Variants in METTL25 observed in about 807,000 individuals in gnomAD.
The protein encoded by METTL25 is probable methyltransferase-like protein 25.
METTL25 carries 64 observed loss-of-function variants against 71.6 expected under a neutral mutation model. That is an observed-to-expected ratio of 0.89 (90% CI 0.73 to 1.10). The LOEUF (loss-of-function observed/expected upper bound fraction) is 1.10, where lower values mean the gene tolerates loss of function less well. METTL25 is among the 50% of genes least tolerant of loss of function. METTL25 has a pLI of 0.00. For missense variants in METTL25, 807 were observed against 707.0 expected (o/e 1.14, Z -1.60); for synonymous variants, 287 against 250.3 (o/e 1.15, Z -1.38).
Position 82,399,377 on chromosome 12 carries a change from A to T in METTL25, c.1114A>T (p.Ile372Phe), listed in dbSNP as rs753996337. 35 of 1,572,100 alleles carry T rather than the reference A, an allele frequency of 2.2e-5. No homozygotes were observed. Among genetic ancestry groups the T allele is most frequent in the Non-Finnish European group, 2.4e-5 (28 of 1,164,464 alleles). Reference protein sequence around the residue: ...FITADSELHDIIKDLEDCLMV... With the variant: ...FITADSELHDFIKDLEDCLMV... Reference sequence around the variant, plus strand: ...CACTGCTGATTCAGAACTCCATGACATTATTAAAGATTTGGAGGTGACTTT... The same window carrying T: ...CACTGCTGATTCAGAACTCCATGACTTTATTAAAGATTTGGAGGTGACTTT... The change falls in exon 4 of 12, where the codon ATT becomes TTT. Residue 372 changes from isoleucine to phenylalanine, a missense_variant. Ile to Phe is a conservative substitution (Grantham distance 21, BLOSUM62 0). Coordinates refer to ENST00000248306, the MANE Select transcript of METTL25 (RefSeq NM_032230.3).
At chr12:82,396,506 TAA>T (rs367778642) in intron 3 of METTL25, among the ~76,000 whole-genome samples, 184 of 152,174 alleles carry the variant, frequency 1.2e-3, no homozygotes, top group African/African-American at 4.4e-3. Context: ...CTTTAGAAAT[TAA>T]AGATATGTAT....
rs764923923 is a variant in METTL25, at chr12:82,399,118, A to G, written c.855A>G (p.Val285=). The change falls in exon 4 of 12, where the codon GTA becomes GTG. Residue 285 remains valine, a synonymous_variant. Coordinates refer to ENST00000248306, the MANE Select transcript of METTL25 (RefSeq NM_032230.3). The part of the protein sequence containing the change: ...SAILPDFSGS[V]ISNIRNQMET... ...TTTTGCCTGATTTTTCTGGCTCTGT[A>G]ATTTCTAATATCAGAAACCAAATGG... is the stretch of plus-strand genomic sequence containing the variant. The G allele has an allele frequency of 6.2e-7, 1 of 1,613,798 alleles. No homozygotes were observed. Among genetic ancestry groups the G allele is most frequent in the South Asian group, 1.1e-5 (1 of 91,066 alleles).
chr12:82,400,031 A>G (rs1046838842), intron 4 of METTL25, among the ~76,000 whole-genome samples: 5 of 151,984 alleles, frequency 3.3e-5, no homozygotes, highest in Non-Finnish European at 5.9e-5. Flanking sequence ...CCCCAAAGAA[A>G]TGTATAAATA....
chr12:82,373,232 C>T (rs961199832), intron 1 of METTL25, among the ~76,000 whole-genome samples: 3 of 152,120 alleles, frequency 2.0e-5, no homozygotes, highest in African/African-American at 4.8e-5. Context: ...GAAGGGATCT[C>T]GAGGGTTGGA....
chr12:82,444,828 C>T (rs1204229411), intron 8 of METTL25, among the ~76,000 whole-genome samples: 1 of 151,974 alleles, frequency 6.6e-6, no homozygotes, highest in Admixed American at 6.6e-5. Flanking sequence ...CTACAGGAAG[C>T]TCACTGCACC....
intron 1 of METTL25, among the ~76,000 whole-genome samples, chr12:82,385,867 C>G (rs1235763426): frequency 3.3e-5 from 5 of 152,036 alleles, no homozygotes; most frequent in African/African-American, 1.2e-4. Context: ...GATTACAGAG[C>G]TGAGACAAAA....
intron 1 of METTL25, among the ~76,000 whole-genome samples, chr12:82,363,312 A>C (rs1023872871): frequency 6.6e-6 from 1 of 152,224 alleles, no homozygotes; most frequent in African/African-American, 2.4e-5. Flanking sequence ...CCTAAAGTAC[A>C]TACAACTTGG....
intron 5 of METTL25, among the ~76,000 whole-genome samples, chr12:82,412,815 T>G (rs1887654580): frequency 6.6e-6 from 1 of 152,074 alleles, no homozygotes; most frequent in Non-Finnish European, 1.5e-5. Context: ...AGGCTCCAGT[T>G]TCTCAGTGGA....
chr12:82,413,525 A>G (rs1026878685), intron 5 of METTL25, among the ~76,000 whole-genome samples: 2 of 152,068 alleles, frequency 1.3e-5, no homozygotes, highest in African/African-American at 4.8e-5. Context: ...AACACTGCAT[A>G]GAAGAAAAGT....
intron 1 of METTL25, among the ~76,000 whole-genome samples, chr12:82,379,747 A>G (rs541852383): frequency 9.1e-4 from 138 of 152,330 alleles, no homozygotes; most frequent in African/African-American, 3.2e-3. Flanking sequence ...GGATTAACAG[A>G]AACTGAGTAA....
intron 3 of METTL25, among the ~76,000 whole-genome samples, chr12:82,397,198 A>T (rs996928717): frequency 6.6e-6 from 1 of 152,118 alleles, no homozygotes; most frequent in Non-Finnish European, 1.5e-5. Flanking sequence ...ACCATTTTAC[A>T]TCTGCGTACA....
chr12:82,412,184 TAACTG>T (rs1348775303), intron 5 of METTL25, among the ~76,000 whole-genome samples: 1 of 152,098 alleles, frequency 6.6e-6, no homozygotes, highest in African/African-American at 2.4e-5. Context: ...ACAAAAAAAA[TAACTG>T]AACTCTTTTT....
At chr12:82,435,313 T>G (rs981856548) in intron 7 of METTL25, among the ~76,000 whole-genome samples, 1 of 151,426 alleles carries the variant, frequency 6.6e-6, no homozygotes. Flanking sequence ...TTTAGAAATA[T>G]TTCTTTTGCT....
At chr12:82,440,087 A>T (rs557177308) in intron 8 of METTL25, among the ~76,000 whole-genome samples, 156 of 151,858 alleles carry the variant, frequency 1.0e-3, no homozygotes, top group African/African-American at 3.6e-3. Context: ...TCTCTTCCTC[A>T]TTATCTTCCA....
At chr12:82,362,843 C>A (rs757430398) in intron 1 of METTL25, among the ~76,000 whole-genome samples, 6 of 152,136 alleles carry the variant, frequency 3.9e-5, no homozygotes, top group Non-Finnish European at 8.8e-5. Flanking sequence ...GATTCCCCTG[C>A]AGATAACAAT....
chr12:82,393,310 A>G (rs1172835146), intron 3 of METTL25, among the ~76,000 whole-genome samples: 1 of 151,916 alleles, frequency 6.6e-6, no homozygotes, highest in Non-Finnish European at 1.5e-5. Flanking sequence ...TATTTCATCA[A>G]TGTTTTGTAA....
At chr12:82,373,446 G>A (rs1328482007) in intron 1 of METTL25, among the ~76,000 whole-genome samples, 2 of 152,138 alleles carry the variant, frequency 1.3e-5, no homozygotes, top group Non-Finnish European at 2.9e-5. Context: ...GAAGGGAATA[G>A]AGTCCTGGAG....
intron 1 of METTL25, among the ~76,000 whole-genome samples, chr12:82,384,855 A>C (rs1199130947): frequency 6.6e-6 from 1 of 152,062 alleles, no homozygotes; most frequent in Non-Finnish European, 1.5e-5. Context: ...GTCCCTTTGC[A>C]CTTGGAGATT....
chr12:82,399,993 AT>A (rs1001386690), intron 4 of METTL25, among the ~76,000 whole-genome samples: 1 of 150,790 alleles, frequency 6.6e-6, no homozygotes, highest in Non-Finnish European at 1.5e-5. Context: ...TACCCTTGTA[AT>A]TTTTTTTTCT....
Sources: gnomAD v4.1 joint callset for allele counts (sites outside exome capture counted in the v4.1 genomes callset) on GRCh38, gnomAD v4.1.1 for gene constraint, MANE v1.5 for transcripts, NCBI Gene and HGNC (gene_info 2026-07-23, HGNC 2026-07-21) for gene names.